Variants in IL12RB1 observed in about 807,000 individuals in gnomAD.
IL12RB1 encodes the protein interleukin-12 receptor subunit beta-1.
A neutral mutation model predicts 94.4 loss-of-function variants in IL12RB1; 64 were observed. The ratio of observed to expected loss-of-function variants is 0.68; its 90% confidence interval spans 0.55 to 0.83. IL12RB1 has a LOEUF of 0.83. Ranked by LOEUF, IL12RB1 falls within the 40% of genes least tolerant of loss-of-function variation. The pLI is 0.00. For synonymous variants in IL12RB1, 362 were observed against 355.5 expected (o/e 1.02, Z -0.21); for missense variants, 814 against 855.6 (o/e 0.95, Z 0.61).
intron 11 of IL12RB1, among the ~76,000 whole-genome samples, chr19:18,067,596 A>G (rs2034685819): frequency 6.6e-6 from 1 of 152,110 alleles, no homozygotes. Flanking sequence ...GAGGTTAGGC[A>G]TTTGAGACCA....
rs2034875448 is a variant in IL12RB1 at position 18,069,708 on chromosome 19, C to T, written c.1027G>A (p.Val343Met). Residue 343 changes from valine to methionine, a missense_variant, in exon 10 of 17, where the codon GTG becomes ATG. Val to Met is a conservative substitution (Grantham distance 21, BLOSUM62 1). Transcript: ENST00000593993. ...GTTCCGACGCTGATATTCAGAGCCA[C>T]TGGTTCTGGAAGGAGAGGGGAGAGA... Reference protein sequence around the residue: ...HIPADTHTEPVALNISVGTNG... With the variant: ...HIPADTHTEPMALNISVGTNG... The T allele has an allele frequency of 4.4e-6, 7 of 1,608,548 alleles. No homozygotes were observed. The highest frequency in any genetic ancestry group is 3.3e-5 in the South Asian group (3 of 90,998).
upstream of IL12RB1, among the ~76,000 whole-genome samples, chr19:18,088,884 G>A (rs900736909): frequency 1.3e-5 from 2 of 152,060 alleles, no homozygotes; most frequent in African/African-American, 4.8e-5. Flanking sequence ...ACAAAAATTT[G>A]CCAGGCCTGG....
upstream of IL12RB1, chr19:18,091,530 C>A (rs1037310418): frequency 3.3e-5 from 5 of 152,176 alleles, no homozygotes; most frequent in African/African-American, 1.2e-4. Flanking sequence ...GAGACCCTAA[C>A]GTCGCTGAGG....
At chr19:18,085,995 C>G (rs2036305166) in intron 1 of IL12RB1, among the ~76,000 whole-genome samples, 1 of 150,756 alleles carries the variant, frequency 6.6e-6, no homozygotes, top group African/African-American at 2.4e-5. Context: ...GTGAGTGGAT[C>G]ATTTGAGCCC....
intron 8 of IL12RB1, among the ~76,000 whole-genome samples, chr19:18,072,903 C>T (rs1232623136): frequency 2.1e-5 from 3 of 144,464 alleles, no homozygotes; most frequent in African/African-American, 7.7e-5. Context: ...GCCGAGATGG[C>T]GCCACTGCAC....
At chr19:18,061,237 T>TG (rs1568484191) in intron 14 of IL12RB1, 40 bp from the exon 15 acceptor site, 3 of 1,107,896 alleles carry the variant, frequency 2.7e-6, no homozygotes, top group Admixed American at 5.3e-5. Flanking sequence ...GCTGAGGTTT[T>TG]TTTTTTTTTT....
intron 4 of IL12RB1, among the ~76,000 whole-genome samples, chr19:18,080,527 G>A (rs557799099): frequency 4.3e-4 from 65 of 152,142 alleles, no homozygotes; most frequent in Admixed American, 1.4e-3. Context: ...GTGATCCACC[G>A]CACCCGGCAA....
chr19:18,082,140 G>A lies in IL12RB1; in HGVS notation c.239+10C>T. 6.5e-7 allele frequency: 1 copy of A among 1,531,044 alleles called. No homozygotes were observed. Among genetic ancestry groups the A allele is most frequent in the Non-Finnish European group, 9.1e-7 (1 of 1,104,676 alleles). The allele number at this position is 1,531,044 out of a possible 1,614,324, so 94.8% of individuals were successfully genotyped here. A position where few individuals can be genotyped will look rare whatever the true frequency, so the allele number is the denominator to read the frequency against. On this transcript the variant is annotated intron_variant, in intron 3 of 16. Coordinates refer to ENST00000593993, the MANE Select transcript of IL12RB1 (RefSeq NM_005535.3). ...GGGTGAGGGTTTGGGAATGGTAGAG[G>A]GGTCCTCACCAACACCGCAGGAAGT...
chr19:18,068,320 C>G (rs2034741686), intron 11 of IL12RB1, 69 bp downstream of exon 11: 1 of 1,312,358 alleles, frequency 7.6e-7, no homozygotes, highest in Non-Finnish European at 1.0e-6. Flanking sequence ...GTCACTGTGC[C>G]CAGCCTCTAT....
intron 11 of IL12RB1, 129 bp from the exon 12 acceptor site, chr19:18,066,826 A>C: frequency 4.4e-6 from 3 of 689,468 alleles, no homozygotes; most frequent in Non-Finnish European, 7.8e-6. Flanking sequence ...CAGGAGTTCA[A>C]GACCAGCCTG....
intron 1 of IL12RB1, among the ~76,000 whole-genome samples, chr19:18,084,449 CCCAT>C (rs2036181898): frequency 7.1e-6 from 1 of 140,260 alleles, no homozygotes; most frequent in Admixed American, 7.1e-5. Flanking sequence ...CACCCATTCA[CCCAT>C]CCATCCATGT....
chr19:18,082,241 G>T lies in IL12RB1; in HGVS notation c.148C>A (p.Leu50Met). ...TCACTGGATATCCGATAGCATCTCA[G>T]GTCCCTAGGGCCCGAGGCCGAGCCT... ...DSGSASGPRD[L>M]RCYRISSDRY... The change falls in exon 3 of 17, where the codon CTG (leucine) becomes ATG (methionine). Residue 50 changes from leucine to methionine, a missense_variant. Coordinates refer to ENST00000593993, the MANE Select transcript of IL12RB1 (RefSeq NM_005535.3). 1 of 1,612,842 alleles carries T rather than the reference G, an allele frequency of 6.2e-7. No homozygotes were observed.
chr19:18,065,319 G>T (rs2034497561), intron 12 of IL12RB1, among the ~76,000 whole-genome samples: 1 of 152,116 alleles, frequency 6.6e-6, no homozygotes. Flanking sequence ...CCTGCTTGAT[G>T]AGAGTTCAGC....
Position 18,083,326 on chromosome 19 carries a change from G to T in IL12RB1, c.124+106C>A, listed in dbSNP as rs1035645476. The T allele has an allele frequency of 5.7e-6, 6 of 1,050,822 alleles. No homozygotes were observed. In the East Asian group the frequency reaches 7.1e-5, roughly 12 times the overall value. The allele number at this position is 1,050,822 out of a possible 1,614,324, so 65.1% of individuals were successfully genotyped here. On this transcript the variant is annotated intron_variant, in intron 2 of 16. Transcript: ENST00000593993. ...GGGGACTCCCAAGACCACAGGCAGGGCTGGGTCTTTGGCCTGGTGGTGGAG... is the reference window on the plus strand; with the variant it reads ...GGGGACTCCCAAGACCACAGGCAGGTCTGGGTCTTTGGCCTGGTGGTGGAG...
chr19:18,065,296 G>A (rs1224932413), intron 12 of IL12RB1, among the ~76,000 whole-genome samples: 1 of 152,154 alleles, frequency 6.6e-6, no homozygotes, highest in African/African-American at 2.4e-5. Flanking sequence ...TCTGTGGAAT[G>A]GAGACAGTCA....
At chr19:18,078,142 C>T (rs1368298991) in intron 4 of IL12RB1, among the ~76,000 whole-genome samples, 1 of 152,044 alleles carries the variant, frequency 6.6e-6, no homozygotes, top group Non-Finnish European at 1.5e-5. Context: ...GGAGCAGTGG[C>T]TCATAGCTGT....
In IL12RB1 at chr19:18,068,534, G is replaced by T. The variant is rs759435925; in HGVS notation, c.1190-8C>A. 1 of 1,610,324 alleles carries T rather than the reference G, an allele frequency of 6.2e-7. No individual in the cohort carries two copies. Among genetic ancestry groups the T allele is most frequent in the African/African-American group, 1.3e-5 (1 of 74,724 alleles). ...GACTCCAGCTGTAGGTTGCTGGAAG[G>T]ATAAGCAAAGGCCAGGCCATTCAGT... On this transcript the variant is annotated splice_polypyrimidine_tract_variant and splice_region_variant and intron_variant, in intron 10 of 16. Transcript: ENST00000593993.
chr19:18,091,531 G>A (rs901412057), upstream of IL12RB1: 15 of 152,326 alleles, frequency 9.8e-5, no homozygotes, highest in East Asian at 5.8e-4. Context: ...AGACCCTAAC[G>A]TCGCTGAGGA....
chr19:18,071,428 A>C, intron 9 of IL12RB1: 1 of 651,706 alleles, frequency 1.5e-6, no homozygotes, highest in Middle Eastern at 3.3e-4. Context: ...TTTTTGAAAA[A>C]GAGTGTAGCT....
Sources: allele counts gnomAD v4.1 joint callset (sites outside exome capture counted in the v4.1 genomes callset), GRCh38; gene constraint gnomAD v4.1.1; transcripts MANE v1.5; gene names NCBI Gene and HGNC (gene_info 2026-07-23, HGNC 2026-07-21).